TMEM183A: variants seen among roughly 807,000 people sequenced by gnomAD.
The protein encoded by TMEM183A is chromosome 1 open reading frame 37.
A neutral mutation model predicts 46.7 loss-of-function variants in TMEM183A; 21 were observed. The observed-to-expected ratio is 0.45, with a 90% confidence interval of 0.32 to 0.65. TMEM183A has a LOEUF of 0.65. TMEM183A is among the 30% of genes least tolerant of loss of function. TMEM183A has a pLI of 0.04. For missense variants in TMEM183A, 331 were observed against 481.9 expected (o/e 0.69, Z 2.93); for synonymous variants, 165 against 180.2 (o/e 0.92, Z 0.68).
chr1:203,016,172 A>G, intron 5 of TMEM183A, 32 bp downstream of exon 5: 1 of 1,613,656 alleles, frequency 6.2e-7, no homozygotes, highest in Non-Finnish European at 8.5e-7. Context: ...GGTTTGACTA[A>G]TGAACTCTTG....
rs1258682863 is a variant in TMEM183A at position 203,022,861 on chromosome 1, A to G, written c.952A>G (p.Ile318Val). 5.6e-6 allele frequency: 9 copies of G among 1,613,786 alleles called. No individual in the cohort carries two copies. The highest frequency in any genetic ancestry group is 7.6e-6 in the Non-Finnish European group (9 of 1,179,860). The part of the protein sequence containing the change: ...VMGMIFTLFT[I>V]NVSTDMRHHR... Reference sequence around the variant, plus strand: ...ATTTGCTTTTCCATTTCAGTTTACTATCAATGTGAGCACGGACATGCGGCA... The same window carrying G: ...ATTTGCTTTTCCATTTCAGTTTACTGTCAATGTGAGCACGGACATGCGGCA... Residue 318 changes from isoleucine (I) to valine (V), a missense_variant, in exon 8 of 8, where the codon ATC (isoleucine) becomes GTC (valine). Ile to Val is a conservative substitution (Grantham distance 29). Transcript: ENST00000367242.
chr1:203,012,457 TG>T (rs1316756704), intron 3 of TMEM183A, among the ~76,000 whole-genome samples: 1 of 152,240 alleles, frequency 6.6e-6, no homozygotes, highest in Non-Finnish European at 1.5e-5. Context: ...CTGAGTCCCT[TG>T]GTTTCATGTT....
At chr1:203,008,356 T>A (rs1050030749) in intron 2 of TMEM183A, among the ~76,000 whole-genome samples, 2 of 152,142 alleles carry the variant, frequency 1.3e-5, no homozygotes, top group Middle Eastern at 3.2e-3. Flanking sequence ...GCTTTTATCC[T>A]GCAGGGTTTA....
chr1:203,017,185 G>C (rs1657245979), intron 5 of TMEM183A, among the ~76,000 whole-genome samples: 1 of 152,064 alleles, frequency 6.6e-6, no homozygotes, highest in African/African-American at 2.4e-5. Context: ...CGGGAGAGTA[G>C]AATTTCACCC....
At position 203,023,696 on chromosome 1, in the gene TMEM183A, T is replaced by G. The variant is rs1022224179; in HGVS notation, c.*656T>G. The G allele has an allele frequency of 6.6e-6, 1 of 152,632 alleles. No homozygotes were observed. The highest frequency in any genetic ancestry group is 2.4e-5 in the African/African-American group (1 of 41,470). 9.5% of individuals were successfully genotyped at this position (152,632 alleles called of 1,614,324 possible). On this transcript the variant is annotated 3_prime_UTR_variant, in exon 8 of 8. Transcript: ENST00000367242. The stretch of plus-strand genomic sequence containing the variant: ...TTGGTACTATACTAGGAACTTTACA[T>G]AGTATCTCTACTTCTCACAGTCTTG...
At position 203,014,958 on chromosome 1, in the gene TMEM183A, G is replaced by T. The variant is rs760409765; in HGVS notation, c.437G>T (p.Arg146Leu). The change falls in exon 4 of 8, where the codon CGT becomes CTT. Residue 146 changes from arginine (R) to leucine (L), a missense_variant. Physicochemically the swap from Arg to Leu is moderately radical, Grantham distance 102. Coordinates refer to ENST00000367242, the MANE Select transcript of TMEM183A (RefSeq NM_138391.6). The part of the protein sequence containing the change: ...DIWLLLASYI[R>L]PEDIVNFSLI... ...TGGCTATTGCTGGCCTCCTATATCC[G>T]TCCTGAGGACATTGTGAATTTTTCC... is the stretch of plus-strand genomic sequence containing the variant. 6.2e-7 allele frequency: 1 copy of T among 1,613,704 alleles called. No individual in the cohort carries two copies. The highest frequency in any genetic ancestry group is 8.5e-7 in the Non-Finnish European group (1 of 1,179,858).
chr1:203,014,387 G>C (rs1558039993), intron 3 of TMEM183A, among the ~76,000 whole-genome samples: 1 of 152,168 alleles, frequency 6.6e-6, no homozygotes, highest in Non-Finnish European at 1.5e-5. Flanking sequence ...TGGATCACTT[G>C]AGGCCAGGAG....
At chr1:203,009,323 G>A (rs1421315436) in intron 3 of TMEM183A, among the ~76,000 whole-genome samples, 1 of 152,208 alleles carries the variant, frequency 6.6e-6, no homozygotes, top group Non-Finnish European at 1.5e-5. Context: ...AAATAGAAAA[G>A]TAGGTGATTT....
intron 3 of TMEM183A, among the ~76,000 whole-genome samples, chr1:203,012,964 C>T (rs1321846743): frequency 6.6e-6 from 1 of 152,222 alleles, no homozygotes; most frequent in Non-Finnish European, 1.5e-5. Context: ...AAGCCATCCT[C>T]CCACCTTGGC....
intron 7 of TMEM183A, 61 bp from the exon 8 acceptor site, chr1:203,022,794 A>G: frequency 6.2e-7 from 1 of 1,607,788 alleles, no homozygotes; most frequent in South Asian, 1.1e-5. Context: ...TTCATTTCAG[A>G]GTGAGCTCTT....
rs2102530394 is a variant in TMEM183A at position 203,008,770 on chromosome 1, G to A, written c.327G>A (p.Glu109=). 4 of 1,609,238 alleles carry A rather than the reference G, an allele frequency of 2.5e-6. No individual in the cohort carries two copies. Among genetic ancestry groups the A allele is most frequent in the East Asian group, 2.3e-5 (1 of 44,422 alleles). The change falls in exon 3 of 8, where the codon GAG becomes GAA. Residue 109 remains glutamate (E), a synonymous_variant. Coordinates refer to ENST00000367242, the MANE Select transcript of TMEM183A (RefSeq NM_138391.6). ...EMDAQEESIH[E]RTVSRKKKSK... The stretch of plus-strand genomic sequence containing the variant: ...ATGCCCAGGAGGAAAGCATCCATGA[G>A]AGAACTGTCTCCAGAAAAAAGAAAA...
chr1:203,008,375 A>T (rs535673600), intron 2 of TMEM183A, among the ~76,000 whole-genome samples: 2 of 152,080 alleles, frequency 1.3e-5, no homozygotes, highest in African/African-American at 4.8e-5. Flanking sequence ...TATAGTGGAA[A>T]AATTGTACAC....
chr1:203,011,168 A>G (rs993857472), intron 3 of TMEM183A, among the ~76,000 whole-genome samples: 5 of 152,234 alleles, frequency 3.3e-5, no homozygotes, highest in Admixed American at 6.5e-5. Context: ...CAGAAACTCT[A>G]TGTTTAACTT....
chr1:203,022,076 G>GT (rs1007116469), intron 7 of TMEM183A, among the ~76,000 whole-genome samples: 14 of 151,488 alleles, frequency 9.2e-5, no homozygotes, highest in East Asian at 3.9e-4. Context: ...GTTTTGTTTT[G>GT]TTTTTTTTGA....
At position 203,023,681 on chromosome 1, in the gene TMEM183A, A is replaced by G. The variant is rs1202011270; in HGVS notation, c.*641A>G. The G allele has an allele frequency of 6.6e-6, 1 of 152,668 alleles. No homozygotes were observed. The highest frequency in any genetic ancestry group is 2.1e-4 in the South Asian group (1 of 4,838). The allele number at this position is 152,668 out of a possible 1,614,324, so 9.5% of individuals were successfully genotyped here. ...GATGACTTTATACCCTTGGTACTATACTAGGAACTTTACATAGTATCTCTA... is the reference window on the plus strand; with the variant it reads ...GATGACTTTATACCCTTGGTACTATGCTAGGAACTTTACATAGTATCTCTA... On this transcript the variant is annotated 3_prime_UTR_variant, in exon 8 of 8. Transcript: ENST00000367242.
intron 2 of TMEM183A, among the ~76,000 whole-genome samples, chr1:203,008,209 C>T (rs969612149): frequency 3.9e-5 from 6 of 152,088 alleles, no homozygotes; most frequent in East Asian, 3.9e-4. Flanking sequence ...TGGTGTTTCT[C>T]TTGCTTTCAG....
intron 3 of TMEM183A, among the ~76,000 whole-genome samples, 191 bp downstream of exon 3, chr1:203,009,001 C>T (rs1319542495): frequency 6.6e-6 from 1 of 152,058 alleles, no homozygotes; most frequent in Non-Finnish European, 1.5e-5. Flanking sequence ...TTTCTTTTGT[C>T]TGAATTCGAG....
chr1:203,008,550 C>G, intron 2 of TMEM183A, 93 bp from the exon 3 acceptor site: 2 of 1,150,652 alleles, frequency 1.7e-6, no homozygotes, highest in Non-Finnish European at 2.3e-6. Context: ...TTTTTTCCCC[C>G]CTTTCCTGAA....
At chr1:203,021,648 A>C (rs1202115572) in intron 7 of TMEM183A, among the ~76,000 whole-genome samples, 1 of 152,198 alleles carries the variant, frequency 6.6e-6, no homozygotes, top group Non-Finnish European at 1.5e-5. Flanking sequence ...TACAAATGGG[A>C]TATTAAAATA....
Sources: gnomAD v4.1 joint callset for allele counts (sites outside exome capture counted in the v4.1 genomes callset) on GRCh38, gnomAD v4.1.1 for gene constraint, MANE v1.5 for transcripts, NCBI Gene and HGNC (gene_info 2026-07-23, HGNC 2026-07-21) for gene names.